HIVEP1: variants seen among roughly 807,000 people sequenced by gnomAD.
The protein encoded by HIVEP1 is HIVEP zinc finger 1, also known as zinc finger protein 40.
Under a neutral mutation model 180.0 loss-of-function variants are expected in HIVEP1, and 36 were observed. That is an observed-to-expected ratio of 0.20 (90% CI 0.15 to 0.26). The LOEUF (loss-of-function observed/expected upper bound fraction) is 0.26, where lower values mean the gene tolerates loss of function less well. Among genes scored for constraint, HIVEP1 ranks in the 10% least tolerant of loss-of-function variants. HIVEP1 has a pLI of 1.00. For missense variants in HIVEP1, 3,143 were observed against 3,268.7 expected (o/e 0.96, Z 0.94); for synonymous variants, 1,239 against 1,239.0 (o/e 1.00, Z 0.00).
chr6:12,081,036 G>A (rs999035501), intron 2 of HIVEP1, among the ~76,000 whole-genome samples: 2 of 152,048 alleles, frequency 1.3e-5, no homozygotes, highest in Non-Finnish European at 2.9e-5. Flanking sequence ...CTTGGTACCT[G>A]TGTCACTCTT....
intron 7 of HIVEP1, among the ~76,000 whole-genome samples, chr6:12,147,843 A>G (rs1297538265): frequency 1.3e-5 from 2 of 152,198 alleles, no homozygotes; most frequent in Non-Finnish European, 2.9e-5. Flanking sequence ...AAATAGCGCT[A>G]TCAATTTATT....
intron 2 of HIVEP1, among the ~76,000 whole-genome samples, chr6:12,030,009 A>G (rs190408263): frequency 2.0e-5 from 3 of 152,184 alleles, no homozygotes; most frequent in Admixed American, 2.0e-4. Context: ...CTTTTTTAAT[A>G]TTTATGGAAT....
chr6:12,018,554 A>G (rs780066047), intron 2 of HIVEP1, among the ~76,000 whole-genome samples: 3 of 152,382 alleles, frequency 2.0e-5, no homozygotes, highest in African/African-American at 4.8e-5. Context: ...ACTATGTACT[A>G]TGGTGAGAAA....
chr6:12,095,957 A>ATC (rs1773760214), intron 3 of HIVEP1, among the ~76,000 whole-genome samples: 1 of 152,060 alleles, frequency 6.6e-6, no homozygotes, highest in Non-Finnish European at 1.5e-5. Context: ...CACCTACAGA[A>ATC]ATGTTACGAT....
downstream of HIVEP1, among the ~76,000 whole-genome samples, chr6:12,167,663 TAC>T: frequency 3.2e-5 from 1 of 31,414 alleles, no homozygotes; most frequent in Non-Finnish European, 5.2e-5. Context: ...ATGTTATATA[TAC>T]ATATATACAT....
At chr6:12,210,364 A>G in the HIVEP1 span, among the ~76,000 whole-genome samples, 1 of 152,242 alleles carries the variant, frequency 6.6e-6, no homozygotes, top group African/African-American at 2.4e-5. Flanking sequence ...ATTCGCTGGT[A>G]TAATTTTGAA....
intron 2 of HIVEP1, among the ~76,000 whole-genome samples, chr6:12,030,784 A>G (rs751110100): frequency 1.3e-5 from 2 of 152,194 alleles, no homozygotes; most frequent in Non-Finnish European, 2.9e-5. Context: ...TACTAGAGAT[A>G]CTTTCTATTG....
intron 2 of HIVEP1, among the ~76,000 whole-genome samples, chr6:12,073,956 C>T (rs1772158416): frequency 6.6e-6 from 1 of 152,160 alleles, no homozygotes; most frequent in South Asian, 2.1e-4. Context: ...CTGCACCACA[C>T]ACTCCCCACC....
chr6:12,168,236 T>G (rs796115803), downstream of HIVEP1, among the ~76,000 whole-genome samples: 7,412 of 129,742 alleles, frequency 0.057, 528 homozygotes, highest in South Asian at 0.1. Context: ...TATATACATA[T>G]ATATTATATA....
At chr6:12,014,839 GGT>G (rs1238412872) in intron 1 of HIVEP1, among the ~76,000 whole-genome samples, 1 of 152,228 alleles carries the variant, frequency 6.6e-6, no homozygotes, top group African/African-American at 2.4e-5. Context: ...CAAACAAAAA[GGT>G]GTTTCTGGCG....
At chr6:12,021,811 C>T (rs1293146770) in intron 2 of HIVEP1, among the ~76,000 whole-genome samples, 1 of 151,774 alleles carries the variant, frequency 6.6e-6, no homozygotes, top group African/African-American at 2.4e-5. Flanking sequence ...GATTACAGGC[C>T]TGTGCTACCA....
At chr6:12,189,802 GAA>G in the HIVEP1 span, among the ~76,000 whole-genome samples, 1 of 152,078 alleles carries the variant, frequency 6.6e-6, no homozygotes, top group African/African-American at 2.4e-5. Flanking sequence ...TCACATGTGG[GAA>G]AAATGTGAAC....
At chr6:12,045,945 T>G (rs909797003) in intron 2 of HIVEP1, among the ~76,000 whole-genome samples, 30 of 152,334 alleles carry the variant, frequency 2.0e-4, no homozygotes, top group South Asian at 6.2e-4. Flanking sequence ...AATCCACCTG[T>G]TTATATTTCT....
intron 2 of HIVEP1, among the ~76,000 whole-genome samples, chr6:12,052,974 C>T (rs899801090): frequency 3.3e-5 from 5 of 152,170 alleles, no homozygotes; most frequent in African/African-American, 9.7e-5. Context: ...GGCGGGGATT[C>T]TCATCACAGT....
chr6:12,104,793 A>G (rs954234828), intron 3 of HIVEP1, among the ~76,000 whole-genome samples: 1 of 151,640 alleles, frequency 6.6e-6, no homozygotes, highest in African/African-American at 2.4e-5. Flanking sequence ...CTATTATGGT[A>G]TTTTTTTCAA....
rs1757733672 is a variant in HIVEP1, at chr6:12,122,427, G to A, written c.2632G>A (p.Val878Ile). Residue 878 changes from valine (V) to isoleucine (I), a missense_variant, in exon 4 of 9, where the codon GTC becomes ATC. Coordinates refer to ENST00000379388, the MANE Select transcript of HIVEP1 (RefSeq NM_002114.4). Reference protein sequence around the residue: ...DDKIGAFYDDVFVSGPNAPVP... With the variant: ...DDKIGAFYDDIFVSGPNAPVP... The stretch of plus-strand genomic sequence containing the variant: ...CAAAATTGGCGCTTTCTATGATGAT[G>A]TCTTTGTATCGGGACCTAACGCTCC... 1 of 1,614,092 alleles carries A rather than the reference G, an allele frequency of 6.2e-7. No homozygotes were observed.
chr6:12,023,424 A>C (rs1768379403), intron 2 of HIVEP1, among the ~76,000 whole-genome samples: 1 of 152,252 alleles, frequency 6.6e-6, no homozygotes, highest in Non-Finnish European at 1.5e-5. Context: ...GACAGCCTTA[A>C]GATTTGAGAA....
At chr6:12,117,760 G>A (rs116399076) in intron 3 of HIVEP1, among the ~76,000 whole-genome samples, 1,594 of 152,256 alleles carry the variant, frequency 0.01, 28 homozygotes, top group African/African-American at 0.036. Flanking sequence ...AGTCCATGGT[G>A]TTTCAGCTCT....
chr6:12,038,093 A>G (rs920777568), intron 2 of HIVEP1: 1 of 239,526 alleles, frequency 4.2e-6, no homozygotes, highest in Non-Finnish European at 7.9e-6. Flanking sequence ...TTAGACATTA[A>G]TACCGTGCAA....
Sources: gnomAD v4.1 joint callset for allele counts (sites outside exome capture counted in the v4.1 genomes callset) on GRCh38, gnomAD v4.1.1 for gene constraint, MANE v1.5 for transcripts, NCBI Gene and HGNC (gene_info 2026-07-23, HGNC 2026-07-21) for gene names.